PRICKLE1: variants seen among roughly 807,000 people sequenced by gnomAD.
The protein encoded by PRICKLE1 is prickle planar cell polarity protein 1, also known as prickle-like protein 1.
A neutral mutation model predicts 70.2 loss-of-function variants in PRICKLE1; 14 were observed. The observed-to-expected ratio is 0.20, with a 90% CI of 0.13 to 0.31. The LOEUF (loss-of-function observed/expected upper bound fraction) is 0.31. Among genes scored for constraint, PRICKLE1 ranks in the 10% least tolerant of loss-of-function variants. PRICKLE1 has a pLI of 1.00. For synonymous variants in PRICKLE1, 357 were observed against 379.9 expected (o/e 0.94, Z 0.70); for missense variants, 821 against 1,026.2 (o/e 0.80, Z 2.73).
intron 1 of PRICKLE1, among the ~76,000 whole-genome samples, chr12:42,526,648 T>C (rs996280991): frequency 2.6e-5 from 4 of 151,430 alleles, no homozygotes; most frequent in African/African-American, 9.7e-5. Context: ...ATGTGAACAC[T>C]GATGAGAAGT....
intron 1 of PRICKLE1, among the ~76,000 whole-genome samples, chr12:42,547,148 T>C (rs182266224): frequency 2.6e-5 from 4 of 152,328 alleles, no homozygotes; most frequent in Non-Finnish European, 2.9e-5. Context: ...ATTTCCCTGA[T>C]AAATCTTCCT....
chr12:42,459,894 G>A lies in PRICKLE1; in HGVS notation c.2411C>T (p.Ala804Val). The A allele has an allele frequency of 6.2e-7, 1 of 1,614,106 alleles. No homozygotes were observed. Among genetic ancestry groups the A allele is most frequent in the Non-Finnish European group, 8.5e-7 (1 of 1,179,998 alleles). Reference protein sequence around the residue: ...YTDDLSSPPSALPTPQFGQRT... With the variant: ...YTDDLSSPPSVLPTPQFGQRT... Reference sequence around the variant, plus strand: ...CTGACCAAACTGAGGGGTGGGAAGTGCAGATGGTGGACTAGAAAGGTCATC... The same window carrying A: ...CTGACCAAACTGAGGGGTGGGAAGTACAGATGGTGGACTAGAAAGGTCATC... The change falls in exon 8 of 8, where the codon GCA (alanine) becomes GTA (valine). Residue 804 changes from alanine (A) to valine (V), a missense_variant. Physicochemically the swap from Ala to Val is moderately conservative, Grantham distance 64. Transcript: ENST00000345127.
rs1178873772 is a variant in PRICKLE1, at chr12:42,506,314, T to C, written c.-48-33750A>G. Among the ~76,000 whole-genome samples, 3 of 144,888 alleles carry C rather than the reference T, an allele frequency of 2.1e-5. No individual in the cohort carries two copies. The East Asian group carries it at 6.2e-4, about 30-fold the overall frequency. ...CTCTGTTGCCTAGGCTGCAGTGCAA[T>C]GGCGTGATCTGGGTTCACTGAAAAC... On this transcript the variant is annotated intron_variant, in intron 1 of 7. Coordinates refer to ENST00000345127, the MANE Select transcript of PRICKLE1 (RefSeq NM_153026.3).
intron 1 of PRICKLE1, among the ~76,000 whole-genome samples, chr12:42,477,935 A>G (rs1242859849): frequency 6.7e-6 from 1 of 149,402 alleles, no homozygotes; most frequent in East Asian, 1.9e-4. Flanking sequence ...TAGATGAACT[A>G]ACAGTGGCCC....
Position 42,533,352 on chromosome 12 carries a change from C to A in PRICKLE1, c.-49+56113G>T, listed in dbSNP as rs180781832. On this transcript the variant is annotated intron_variant, in intron 1 of 7. Coordinates refer to ENST00000345127, the MANE Select transcript of PRICKLE1 (RefSeq NM_153026.3). ...TGACTTAAACATTCAACTCCAAGAA[C>A]CTTATCCCTGAAAAATTACTGTACT... is the stretch of plus-strand genomic sequence containing the variant. Among the ~76,000 whole-genome samples the A allele has an allele frequency of 1.3e-3, 202 of 152,146 alleles. 1 individual carries two copies. The highest frequency in any genetic ancestry group is 4.2e-3 in the African/African-American group (174 of 41,520).
chr12:42,502,237 C>CATA (rs1566104374), intron 1 of PRICKLE1, among the ~76,000 whole-genome samples: 131 of 149,966 alleles, frequency 8.7e-4, no homozygotes, highest in African/African-American at 2.9e-3. Context: ...ACATATACCT[C>CATA]TATATATATA....
In PRICKLE1 at chr12:42,480,331, T is replaced by C. The variant is rs143723504; in HGVS notation, c.-48-7767A>G. Reference sequence around the variant, plus strand: ...TACACAGAAGCTGGGCATATGCCTATACTCTCAGCTACCTGGTGGCTGAAG... The same window carrying C: ...TACACAGAAGCTGGGCATATGCCTACACTCTCAGCTACCTGGTGGCTGAAG... On this transcript the variant is annotated intron_variant, in intron 1 of 7. Coordinates refer to ENST00000345127, the MANE Select transcript of PRICKLE1 (RefSeq NM_153026.3). 2.7e-3 allele frequency among the ~76,000 whole-genome samples: 411 copies of C among 152,278 alleles called. 2 individuals are homozygous for C. The highest frequency in any genetic ancestry group is 9.5e-3 in the African/African-American group (397 of 41,578).
At chr12:42,581,991 A>G (rs1284710728) in intron 1 of PRICKLE1, among the ~76,000 whole-genome samples, 8 of 152,148 alleles carry the variant, frequency 5.3e-5, no homozygotes, top group Admixed American at 3.9e-4. Context: ...GGAAAAAAAA[A>G]GAGTGATTTT....
At chr12:42,509,681 A>G (rs779236229) in intron 1 of PRICKLE1, among the ~76,000 whole-genome samples, 2 of 152,124 alleles carry the variant, frequency 1.3e-5, no homozygotes, top group Non-Finnish European at 2.9e-5. Flanking sequence ...AATAACAATA[A>G]TAATAATAAT....
chr12:42,569,557 C>A (rs1393154842), intron 1 of PRICKLE1, among the ~76,000 whole-genome samples: 1 of 152,120 alleles, frequency 6.6e-6, no homozygotes, highest in Admixed American at 6.6e-5. Flanking sequence ...TTTTTATATA[C>A]CAGTAATCTT....
chr12:42,529,184 AT>A (rs1939864560), intron 1 of PRICKLE1, among the ~76,000 whole-genome samples: 1 of 152,196 alleles, frequency 6.6e-6, no homozygotes, highest in African/African-American at 2.4e-5. Context: ...TAGATATTTT[AT>A]TTTGAATTTT....
At chr12:42,468,576 C>T in intron 5 of PRICKLE1, 50 bp downstream of exon 5, 1 of 1,545,974 alleles carries the variant, frequency 6.5e-7, no homozygotes, top group Non-Finnish European at 8.9e-7. Flanking sequence ...GGAATATTGG[C>T]TTAATCTAAG....
chr12:42,546,421 A>G (rs925208081), intron 1 of PRICKLE1, among the ~76,000 whole-genome samples: 3 of 152,204 alleles, frequency 2.0e-5, no homozygotes, highest in African/African-American at 4.8e-5. Context: ...TCTCTATGCT[A>G]TCCAGCTTTC....
intron 1 of PRICKLE1, among the ~76,000 whole-genome samples, chr12:42,479,387 C>T (rs61924400): frequency 0.014 from 2,133 of 152,322 alleles, 32 homozygotes; most frequent in Non-Finnish European, 0.022. Flanking sequence ...ATACCATACA[C>T]ATAGCGTGTG....
chr12:42,535,767 G>C (rs1940007492), intron 1 of PRICKLE1, among the ~76,000 whole-genome samples: 1 of 152,158 alleles, frequency 6.6e-6, no homozygotes, highest in Non-Finnish European at 1.5e-5. Context: ...CTGGGCAACA[G>C]AGTGAGAACC....
chr12:42,495,196 C>T (rs1939174467), intron 1 of PRICKLE1, among the ~76,000 whole-genome samples: 1 of 149,284 alleles, frequency 6.7e-6, no homozygotes. Context: ...CAGTGAAATC[C>T]CATCTCTACA....
rs201705679 is a variant in PRICKLE1, at chr12:42,459,925, A to G, written c.2380T>C (p.Tyr794His). 7.4e-6 allele frequency: 12 copies of G among 1,614,168 alleles called. No individual in the cohort carries two copies. The highest frequency in any genetic ancestry group is 1.6e-4 in the Middle Eastern group (1 of 6,062). The change falls in exon 8 of 8, where the codon TAT becomes CAT. Residue 794 changes from tyrosine (Y) to histidine (H), a missense_variant. By Grantham distance (83) the Tyr-to-His change is moderately conservative. Coordinates refer to ENST00000345127, the MANE Select transcript of PRICKLE1 (RefSeq NM_153026.3). Reference sequence around the variant, plus strand: ...GGTGGACTAGAAAGGTCATCTGTATAGTAGGCAAATCTCTGTGGCCGGGGT... The same window carrying G: ...GGTGGACTAGAAAGGTCATCTGTATGGTAGGCAAATCTCTGTGGCCGGGGT... ...PQPRPQRFAY[Y>H]TDDLSSPPSA...
Position 42,470,235 on chromosome 12 carries a change from T to A in PRICKLE1, c.246+11A>T, listed in dbSNP as rs138597448. On this transcript the variant is annotated intron_variant, in intron 3 of 7. Coordinates refer to ENST00000345127, the MANE Select transcript of PRICKLE1 (RefSeq NM_153026.3). ...TCTTTTTTCTAATTAGCCTTCTTCC[T>A]GCTATTTTACCTCATTATCATGTGG... The A allele has an allele frequency of 1.9e-5, 29 of 1,560,080 alleles. No homozygotes were observed. In the African/African-American group the frequency reaches 3.8e-4, roughly 20 times the overall value.
intron 1 of PRICKLE1, among the ~76,000 whole-genome samples, chr12:42,583,871 G>A (rs1386636777): frequency 1.3e-5 from 2 of 152,056 alleles, no homozygotes; most frequent in African/African-American, 2.4e-5. Flanking sequence ...ATACCCTCTA[G>A]CTCTAGGTGT....
Sources: gnomAD v4.1 joint callset for allele counts (sites outside exome capture counted in the v4.1 genomes callset) on GRCh38, gnomAD v4.1.1 for gene constraint, MANE v1.5 for transcripts, NCBI Gene and HGNC (gene_info 2026-07-23, HGNC 2026-07-21) for gene names.